Variants in PPP2R5E observed in about 807,000 individuals in gnomAD.
PPP2R5E encodes the protein protein phosphatase 2 regulatory subunit B'epsilon, also known as serine/threonine-protein phosphatase 2A 56 kDa regulatory subunit epsilon isoform.
PPP2R5E carries 4 observed loss-of-function variants against 65.3 expected under a neutral mutation model. The ratio of observed to expected loss-of-function variants is 0.06; its 90% confidence interval spans 0.03 to 0.14. The LOEUF is 0.14. PPP2R5E is among the 10% of genes least tolerant of loss of function. PPP2R5E has a pLI of 1.00. For missense variants in PPP2R5E, 274 were observed against 556.1 expected (o/e 0.49, Z 5.10); for synonymous variants, 183 against 187.4 (o/e 0.98, Z 0.19).
chr14:63,503,895 C>G (rs775518591), intron 2 of PPP2R5E, among the ~76,000 whole-genome samples: 2 of 152,114 alleles, frequency 1.3e-5, no homozygotes, highest in Non-Finnish European at 2.9e-5. Flanking sequence ...AGGGCAGAAC[C>G]CTGGTTTTAA....
chr14:63,406,189 A>T (rs1364661325), intron 5 of PPP2R5E, among the ~76,000 whole-genome samples: 3 of 152,146 alleles, frequency 2.0e-5, no homozygotes, highest in Non-Finnish European at 4.4e-5. Context: ...AGGCGGGCAG[A>T]TCACGAGGTC....
intron 2 of PPP2R5E, among the ~76,000 whole-genome samples, chr14:63,476,199 G>A (rs773449618): frequency 2.6e-5 from 4 of 152,078 alleles, no homozygotes; most frequent in African/African-American, 4.8e-5. Flanking sequence ...TATAATGCTC[G>A]AGTTTTTCAA....
intron 5 of PPP2R5E, among the ~76,000 whole-genome samples, chr14:63,412,845 A>G (rs917600982): frequency 1.3e-4 from 20 of 152,206 alleles, no homozygotes; most frequent in African/African-American, 4.8e-4. Flanking sequence ...GTATGAGGCT[A>G]TGAGCATTTG....
chr14:63,474,090 G>A (rs1378518409), intron 2 of PPP2R5E, among the ~76,000 whole-genome samples: 1 of 152,224 alleles, frequency 6.6e-6, no homozygotes, highest in Non-Finnish European at 1.5e-5. Context: ...CACCAGTTAG[G>A]AGACTACAGC....
chr14:63,406,398 T>C (rs990941650), intron 5 of PPP2R5E, among the ~76,000 whole-genome samples: 1 of 142,068 alleles, frequency 7.0e-6, no homozygotes, highest in Non-Finnish European at 1.5e-5. Context: ...GTGACAGAGC[T>C]AGACTTCATC....
chr14:63,400,022 G>A (rs1885656061), intron 5 of PPP2R5E, among the ~76,000 whole-genome samples: 1 of 152,082 alleles, frequency 6.6e-6, no homozygotes, highest in Non-Finnish European at 1.5e-5. Context: ...AAACATGGCA[G>A]GAAACGCAAA....
chr14:63,389,784 A>C, intron 10 of PPP2R5E, 53 bp from the exon 11 acceptor site: 1 of 1,497,158 alleles, frequency 6.7e-7, no homozygotes. Context: ...AAAAAAATCC[A>C]TAAGAACAAG....
chr14:63,413,431 G>T (rs532424351), intron 5 of PPP2R5E, among the ~76,000 whole-genome samples: 38 of 152,322 alleles, frequency 2.5e-4, no homozygotes, highest in East Asian at 9.6e-4. Flanking sequence ...CCAAGTTACA[G>T]TGAGGGAATC....
At chr14:63,392,055 T>A in intron 8 of PPP2R5E, 30 bp from the exon 9 acceptor site, 1 of 1,551,274 alleles carries the variant, frequency 6.4e-7, no homozygotes, top group Non-Finnish European at 8.7e-7. Flanking sequence ...AAAGGCAAAA[T>A]TTTAAATTCT....
intron 3 of PPP2R5E, among the ~76,000 whole-genome samples, chr14:63,429,337 A>C (rs1028469864): frequency 6.6e-6 from 1 of 152,260 alleles, no homozygotes; most frequent in African/African-American, 2.4e-5. Flanking sequence ...AAATACAAAA[A>C]GAATGTTATC....
chr14:63,475,022 G>A (rs10133455), intron 2 of PPP2R5E, among the ~76,000 whole-genome samples: 1,962 of 152,336 alleles, frequency 0.013, 31 homozygotes, highest in African/African-American at 0.044. Context: ...AGTGTCCAAC[G>A]TTGCTGAGAG....
chr14:63,447,027 T>C (rs1280561534), intron 3 of PPP2R5E, among the ~76,000 whole-genome samples: 1 of 152,142 alleles, frequency 6.6e-6, no homozygotes, highest in Non-Finnish European at 1.5e-5. Flanking sequence ...AGAAGTGTTG[T>C]CATCTAGGCT....
In PPP2R5E at chr14:63,453,794, A is replaced by G; in HGVS notation, c.249T>C (p.Leu83=). Residue 83 remains leucine (L), a synonymous_variant, in exon 3 of 14, where the codon CTT becomes CTC. Coordinates refer to ENST00000337537, the MANE Select transcript of PPP2R5E (RefSeq NM_006246.5). ...TGGAGCGCTTGTATTCTTTCATTTT[A>G]AGATCAGATAGCGTGTCCATGAAGT... The part of the protein sequence containing the change: ...IFDFMDTLSD[L]KMKEYKRSTL... 6.2e-7 allele frequency: 1 copy of G among 1,611,120 alleles called. No homozygotes were observed. The highest frequency in any genetic ancestry group is 2.2e-5 in the East Asian group (1 of 44,824).
chr14:63,412,157 G>A (rs547272504), intron 5 of PPP2R5E, among the ~76,000 whole-genome samples: 1 of 152,296 alleles, frequency 6.6e-6, no homozygotes, highest in South Asian at 2.1e-4. Context: ...AAAGCCAACT[G>A]TGTAACAACC....
At chr14:63,522,517 G>A (rs1294077377) in intron 2 of PPP2R5E, among the ~76,000 whole-genome samples, 9 of 151,520 alleles carry the variant, frequency 5.9e-5, no homozygotes, top group East Asian at 3.9e-4. Flanking sequence ...CTTCCCGGCC[G>A]CCATCCCATC....
At position 63,507,081 on chromosome 14, in the gene PPP2R5E, C is replaced by A. The variant is rs1377245447; in HGVS notation, c.157+32448G>T. 2.0e-5 allele frequency among the ~76,000 whole-genome samples: 3 copies of A among 152,284 alleles called. No homozygotes were observed. In the South Asian group the frequency reaches 6.2e-4, roughly 32 times the overall value. Reference sequence around the variant, plus strand: ...ACAGGTGTGAGCCACGGTGCCCAGCCTGGGACAAGAGTATTAAATGCACCC... The same window carrying A: ...ACAGGTGTGAGCCACGGTGCCCAGCATGGGACAAGAGTATTAAATGCACCC... On this transcript the variant is annotated intron_variant, in intron 2 of 13. Coordinates refer to ENST00000337537, the MANE Select transcript of PPP2R5E (RefSeq NM_006246.5).
intron 5 of PPP2R5E, among the ~76,000 whole-genome samples, chr14:63,404,818 T>A (rs1406656216): frequency 6.6e-6 from 1 of 152,206 alleles, no homozygotes; most frequent in African/African-American, 2.4e-5. Context: ...CAAGACAACC[T>A]TGTGATTTAA....
At chr14:63,462,599 G>C (rs1487632506) in intron 2 of PPP2R5E, among the ~76,000 whole-genome samples, 2 of 151,998 alleles carry the variant, frequency 1.3e-5, no homozygotes, top group Non-Finnish European at 2.9e-5. Context: ...TTAGAATATA[G>C]TAGGTACGTA....
intron 5 of PPP2R5E, among the ~76,000 whole-genome samples, chr14:63,409,369 T>C (rs1361959350): frequency 6.6e-6 from 1 of 152,192 alleles, no homozygotes; most frequent in Non-Finnish European, 1.5e-5. Context: ...ATTACACCTC[T>C]GCACTCCAGC....
Sources: allele counts gnomAD v4.1 joint callset (sites outside exome capture counted in the v4.1 genomes callset), GRCh38; gene constraint gnomAD v4.1.1; transcripts MANE v1.5; gene names NCBI Gene and HGNC (gene_info 2026-07-23, HGNC 2026-07-21).